The following FRMD3 variants were observed in gnomAD, a reference collection of about 807,000 sequenced individuals.
FRMD3 encodes the protein FERM domain-containing protein 3.
Under a neutral mutation model 70.2 loss-of-function variants are expected in FRMD3, and 33 were observed. The ratio of observed to expected loss-of-function variants is 0.47; its 90% CI spans 0.36 to 0.63. The LOEUF (loss-of-function observed/expected upper bound fraction) is 0.63. FRMD3 is among the 20% of genes least tolerant of loss of function. The probability of loss-of-function intolerance (pLI) is 0.00; values close to 1 mark genes in which losing one functional copy is unlikely to be tolerated. For synonymous variants in FRMD3, 279 were observed against 255.9 expected, an observed-to-expected ratio of 1.09 and a Z score of -0.86; for missense variants, 632 against 711.4, an observed-to-expected ratio of 0.89 and a Z score of 1.27.
At chr9:83,464,166 C>T (rs781763357) in intron 1 of FRMD3, among the ~76,000 whole-genome samples, 3 of 152,204 alleles carry the variant, frequency 2.0e-5, no homozygotes, top group Non-Finnish European at 4.4e-5. Flanking sequence ...TGGAGCATTC[C>T]CATTGTTAAT....
At chr9:83,473,970 CT>C (rs1228762156) in intron 1 of FRMD3, among the ~76,000 whole-genome samples, 1 of 152,168 alleles carries the variant, frequency 6.6e-6, no homozygotes, top group African/African-American at 2.4e-5. Context: ...ATTTTCTTTC[CT>C]TTCTTAGAGG....
intron 1 of FRMD3, among the ~76,000 whole-genome samples, chr9:83,494,079 C>T (rs1046857130): frequency 1.3e-5 from 2 of 152,198 alleles, no homozygotes; most frequent in African/African-American, 2.4e-5. Flanking sequence ...TAGCCTCCTC[C>T]GTAGAAGAAT....
chr9:83,283,480 G>A (rs1190318270), intron 13 of FRMD3, among the ~76,000 whole-genome samples: 22 of 149,906 alleles, frequency 1.5e-4, no homozygotes, highest in Admixed American at 3.3e-4. Flanking sequence ...GCAGTGAGCC[G>A]AGATCGCACC....
At chr9:83,564,000 A>T in the FRMD3 span, among the ~76,000 whole-genome samples, 3 of 152,074 alleles carry the variant, frequency 2.0e-5, no homozygotes, top group Non-Finnish European at 4.4e-5. Flanking sequence ...CCTCATCACC[A>T]TGGGCCCTTC....
intron 1 of FRMD3, among the ~76,000 whole-genome samples, chr9:83,419,716 T>C (rs1826576131): frequency 6.6e-6 from 1 of 152,078 alleles, no homozygotes; most frequent in African/African-American, 2.4e-5. Context: ...GTGTGCTATG[T>C]ACTGGGGTAC....
At chr9:83,507,322 G>C (rs1829206054) in intron 1 of FRMD3, among the ~76,000 whole-genome samples, 1 of 139,374 alleles carries the variant, frequency 7.2e-6, no homozygotes, top group Non-Finnish European at 1.5e-5. Context: ...AGCCAAGATT[G>C]TGCCACTGAA....
Position 83,247,578 on chromosome 9 carries a change from AT to A in FRMD3, c.*339del. 7 of 1,025,998 alleles carry A rather than the reference AT, an allele frequency of 6.8e-6. No homozygotes were observed. The highest frequency in any genetic ancestry group is 8.2e-6 in the Non-Finnish European group (7 of 854,310). The allele number at this position is 1,025,998 out of a possible 1,614,324, so 63.6% of individuals were successfully genotyped here. A position where few individuals can be genotyped will look rare whatever the true frequency, so the allele number is the denominator to read the frequency against. The stretch of plus-strand genomic sequence containing the variant: ...ATTCTGATTCTGAACCTTATAGCTT[AT>A]AATGGTGCCAACTATTAGAAATGGG... On this transcript the variant is annotated 3_prime_UTR_variant, in exon 14 of 14. Transcript: ENST00000304195.
chr9:83,547,071 T>C, the FRMD3 span, among the ~76,000 whole-genome samples: 1 of 151,530 alleles, frequency 6.6e-6, no homozygotes, highest in South Asian at 2.1e-4. Context: ...GCTATACTTA[T>C]ATTAGATAAA....
chr9:83,332,604 T>C (rs1823425220), intron 6 of FRMD3, among the ~76,000 whole-genome samples: 1 of 152,140 alleles, frequency 6.6e-6, no homozygotes, highest in Non-Finnish European at 1.5e-5. Context: ...TGGGAGAAGG[T>C]TGTGAAACCA....
chr9:83,304,482 T>TGTGTGCATTCAA (rs920015871), intron 10 of FRMD3, among the ~76,000 whole-genome samples: 1 of 152,220 alleles, frequency 6.6e-6, no homozygotes, highest in Non-Finnish European at 1.5e-5. Flanking sequence ...AGCTCATTCA[T>TGTGTGCATTCAA]GTGTGCATTC....
intron 6 of FRMD3, among the ~76,000 whole-genome samples, chr9:83,328,915 T>C (rs888749211): frequency 6.6e-6 from 1 of 152,246 alleles, no homozygotes; most frequent in Non-Finnish European, 1.5e-5. Flanking sequence ...ATGCATAAGT[T>C]AGAATCACAT....
intron 1 of FRMD3, among the ~76,000 whole-genome samples, chr9:83,445,235 G>C (rs139194455): frequency 0.1 from 15,261 of 152,116 alleles, 838 homozygotes; most frequent in Admixed American, 0.13. Context: ...AATTAGCTGG[G>C]TGTGGTGGCA....
intron 3 of FRMD3, among the ~76,000 whole-genome samples, chr9:83,364,898 T>C (rs1824739242): frequency 6.6e-6 from 1 of 152,246 alleles, no homozygotes; most frequent in Non-Finnish European, 1.5e-5. Context: ...GCCCCTTGTA[T>C]GTATGAAATA....
intron 13 of FRMD3, among the ~76,000 whole-genome samples, chr9:83,285,592 T>C (rs951779963): frequency 2.0e-5 from 3 of 152,194 alleles, no homozygotes; most frequent in Admixed American, 6.5e-5. Flanking sequence ...GTGATCTTCA[T>C]TGTGTGTCTG....
intron 1 of FRMD3, among the ~76,000 whole-genome samples, chr9:83,499,346 A>G (rs1829013045): frequency 6.6e-6 from 1 of 152,168 alleles, no homozygotes. Flanking sequence ...AAAGAACTCC[A>G]TATGAACAGG....
rs901372779 is a variant in FRMD3, at chr9:83,244,758, C to G, written c.*3160G>C. 5 of 985,170 alleles carry G rather than the reference C, an allele frequency of 5.1e-6. No homozygotes were observed. The African/African-American group carries it at 8.7e-5, about 17-fold the overall frequency. The allele number at this position is 985,170 out of a possible 1,614,324, so 61.0% of individuals were successfully genotyped here. ...TCACAGTAACATGGCCCCCATATCT[C>G]TAGTATTTCAATGAAATAAACTCAT... On this transcript the variant is annotated 3_prime_UTR_variant, in exon 14 of 14. Coordinates refer to ENST00000304195, the MANE Select transcript of FRMD3 (RefSeq NM_174938.6).
At chr9:83,412,146 C>T (rs1481154792) in intron 1 of FRMD3, among the ~76,000 whole-genome samples, 1 of 145,060 alleles carries the variant, frequency 6.9e-6, no homozygotes, top group Non-Finnish European at 1.5e-5. Context: ...ATATCAACAA[C>T]AGTGTTGTTC....
rs59345002 is a variant in FRMD3 at position 83,261,102 on chromosome 9, G to GACACACACACACACACACACAC, written c.1196-12608_1196-12587dup. Among the ~76,000 whole-genome samples the GACACACACACACACACACACAC allele has an allele frequency of 1.6e-3, 212 of 133,144 alleles. 2 individuals carry two copies. The highest frequency in any genetic ancestry group is 8.3e-3 in the East Asian group (36 of 4,328). The allele number at this position is 133,144 out of a possible 152,430, so 87.3% of individuals were successfully genotyped here. ...GAAAGTATCCACAAAAGGAAACTTAGACACACACACACACACACACACACA... is the reference window on the plus strand; with the variant it reads ...GAAAGTATCCACAAAAGGAAACTTAGACACACACACACACACACACACACACACACACACACACACACACACA... On this transcript the variant is annotated intron_variant, in intron 13 of 13. Transcript: ENST00000304195.
At chr9:83,266,377 A>G (rs1174481061) in intron 13 of FRMD3, among the ~76,000 whole-genome samples, 1 of 152,246 alleles carries the variant, frequency 6.6e-6, no homozygotes, top group African/African-American at 2.4e-5. Context: ...TGTGTTAATC[A>G]ATTGGTAAAA....
Sources: gnomAD v4.1 joint callset for allele counts (sites outside exome capture counted in the v4.1 genomes callset) on GRCh38, gnomAD v4.1.1 for gene constraint, MANE v1.5 for transcripts, NCBI Gene and HGNC (gene_info 2026-07-23, HGNC 2026-07-21) for gene names.